The following TNRC6B variants were observed in gnomAD, a reference collection of about 807,000 sequenced individuals.
TNRC6B encodes the protein trinucleotide repeat-containing gene 6B protein.
Under a neutral mutation model 203.6 loss-of-function variants are expected in TNRC6B, and 52 were observed. The ratio of observed to expected loss-of-function variants is 0.26; its 90% CI spans 0.20 to 0.32. The LOEUF (loss-of-function observed/expected upper bound fraction) is 0.32. Among genes scored for constraint, TNRC6B ranks in the 10% least tolerant of loss-of-function variants. The probability of loss-of-function intolerance (pLI) is 1.00; values close to 1 mark genes in which losing one functional copy is unlikely to be tolerated. For synonymous variants in TNRC6B, 838 were observed against 845.7 expected (o/e 0.99, Z 0.16); for missense variants, 1,923 against 2,286.2 (o/e 0.84, Z 3.24).
chr22:40,111,477 G>A (rs972574323), intron 1 of TNRC6B, among the ~76,000 whole-genome samples: 15 of 152,198 alleles, frequency 9.9e-5, no homozygotes, highest in African/African-American at 3.4e-4. Context: ...GCTTAAGAGT[G>A]GTGAGAAGCT....
chr22:40,255,028 A>T (rs565980721), intron 3 of TNRC6B, among the ~76,000 whole-genome samples: 9 of 152,312 alleles, frequency 5.9e-5, no homozygotes, highest in African/African-American at 2.2e-4. Context: ...TTGGGCAAGG[A>T]ATTTGTCAAC....
At chr22:40,269,470 G>T (rs1237651371) in intron 5 of TNRC6B, among the ~76,000 whole-genome samples, 1 of 151,962 alleles carries the variant, frequency 6.6e-6, no homozygotes, top group East Asian at 1.9e-4. Flanking sequence ...CCCACAATTG[G>T]TCTAACCAGT....
At chr22:40,057,451 G>GCC (rs1285274568) in intron 1 of TNRC6B, among the ~76,000 whole-genome samples, 1 of 151,880 alleles carries the variant, frequency 6.6e-6, no homozygotes, top group African/African-American at 2.4e-5. Flanking sequence ...GTGCCACCAC[G>GCC]CCCGGCTAAT....
At chr22:40,228,202 C>T (rs1601902158) in intron 1 of TNRC6B, among the ~76,000 whole-genome samples, 1 of 151,840 alleles carries the variant, frequency 6.6e-6, no homozygotes, top group South Asian at 2.1e-4. Flanking sequence ...CCGAGGCAGG[C>T]GGATCGCCTG....
At chr22:40,086,259 T>C (rs1035955563) in intron 1 of TNRC6B, among the ~76,000 whole-genome samples, 1 of 152,228 alleles carries the variant, frequency 6.6e-6, no homozygotes, top group Non-Finnish European at 1.5e-5. Flanking sequence ...TTCTCTTTTT[T>C]ATCAGTTTTC....
intron 1 of TNRC6B, among the ~76,000 whole-genome samples, chr22:40,059,913 C>T (rs2146270430): frequency 6.6e-6 from 1 of 150,720 alleles, no homozygotes; most frequent in South Asian, 2.1e-4. Flanking sequence ...ACCTCCGCCT[C>T]CCAGGTTCAA....
chr22:40,315,719 CAG>C (rs2071248553), intron 20 of TNRC6B, among the ~76,000 whole-genome samples: 2 of 75,016 alleles, frequency 2.7e-5, no homozygotes, highest in African/African-American at 5.0e-5. Flanking sequence ...GTAAAAATGG[CAG>C]AGTGAGAACA....
intron 1 of TNRC6B, among the ~76,000 whole-genome samples, chr22:40,215,945 C>G (rs1476057029): frequency 2.6e-5 from 4 of 152,210 alleles, no homozygotes; most frequent in Non-Finnish European, 4.4e-5. Flanking sequence ...TATTCCTCCC[C>G]TTCAGATCCA....
intron 12 of TNRC6B, among the ~76,000 whole-genome samples, chr22:40,288,553 T>A (rs1644939559): frequency 6.6e-6 from 1 of 151,880 alleles, no homozygotes; most frequent in Admixed American, 6.6e-5. Flanking sequence ...AATTTTTTTT[T>A]TTTTTTTGAG....
chr22:40,150,507 A>G lies in TNRC6B; in HGVS notation c.46-5608A>G, dbSNP rs559724682. 3.9e-5 allele frequency among the ~76,000 whole-genome samples: 6 copies of G among 152,346 alleles called. No homozygotes were observed. The South Asian group carries it at 1.0e-3, about 26-fold the overall frequency. On this transcript the variant is annotated intron_variant, in intron 3 of 23. Coordinates refer to the TNRC6B transcript ENST00000301923. ...TTTTGGAAGCTGGGAAGCTTTTGGAATAACACTAAAAACAGCAAGATGGGT... is the reference window on the plus strand; with the variant it reads ...TTTTGGAAGCTGGGAAGCTTTTGGAGTAACACTAAAAACAGCAAGATGGGT...
chr22:40,126,580 ATTTT>A (rs955369459), intron 3 of TNRC6B, among the ~76,000 whole-genome samples: 2 of 88,780 alleles, frequency 2.3e-5, no homozygotes, highest in African/African-American at 9.8e-5. Flanking sequence ...ACGTTATTTA[ATTTT>A]TTTTTTTTTT....
At chr22:40,154,455 C>G (rs956293947) in intron 3 of TNRC6B, among the ~76,000 whole-genome samples, 3 of 151,466 alleles carry the variant, frequency 2.0e-5, no homozygotes. Flanking sequence ...CAGGGCGAGA[C>G]TCCATCTCAA....
chr22:40,245,114 G>A (rs954894682), intron 1 of TNRC6B, among the ~76,000 whole-genome samples: 9 of 143,410 alleles, frequency 6.3e-5, no homozygotes, highest in Middle Eastern at 3.6e-3. Flanking sequence ...TTTTTGAGGC[G>A]GAGTCTGGCT....
Position 40,332,813 on chromosome 22 carries a change from A to G in TNRC6B, c.*9572A>G, listed in dbSNP as rs1442472320. On this transcript the variant is annotated 3_prime_UTR_variant, in exon 23 of 23. Transcript: ENST00000454349. ...GGATTATCCTTTTTAAAATATGAAC[A>G]TGTAAATAGCAGGATAACTTTAAAA... 1 of 152,604 alleles carries G rather than the reference A, an allele frequency of 6.6e-6. No individual in the cohort carries two copies. The highest frequency in any genetic ancestry group is 1.5e-5 in the Non-Finnish European group (1 of 68,018). The allele number at this position is 152,604 out of a possible 1,614,324, so 9.5% of individuals were successfully genotyped here.
At chr22:40,093,026 T>C (rs1304168758) in intron 1 of TNRC6B, among the ~76,000 whole-genome samples, 1 of 152,174 alleles carries the variant, frequency 6.6e-6, no homozygotes, top group Non-Finnish European at 1.5e-5. Context: ...AATAATCAGA[T>C]ATATTTGAAA....
At chr22:40,260,134 G>T (rs1337208040) in intron 3 of TNRC6B, among the ~76,000 whole-genome samples, 1 of 151,592 alleles carries the variant, frequency 6.6e-6, no homozygotes, top group Non-Finnish European at 1.5e-5. Context: ...AAAATCAAAT[G>T]ATTTAAAGTA....
intron 3 of TNRC6B, among the ~76,000 whole-genome samples, chr22:40,153,672 T>C (rs2068782247): frequency 6.6e-6 from 1 of 151,922 alleles, no homozygotes; most frequent in Non-Finnish European, 1.5e-5. Flanking sequence ...ATATATTTAC[T>C]ACATAATAGC....
At chr22:40,092,910 G>A (rs533042559) in intron 1 of TNRC6B, among the ~76,000 whole-genome samples, 50 of 152,196 alleles carry the variant, frequency 3.3e-4, no homozygotes, top group Non-Finnish European at 6.0e-4. Flanking sequence ...GTGTAAGATG[G>A]CAACTGAGAC....
intron 1 of TNRC6B, among the ~76,000 whole-genome samples, chr22:40,236,043 A>C (rs4821935): frequency 0.7 from 107,108 of 152,102 alleles, 38,964 homozygotes; most frequent in East Asian, 0.99. Context: ...TGCCATTCCA[A>C]CAATGGTAAC....
Sources: gnomAD v4.1 joint callset for allele counts (sites outside exome capture counted in the v4.1 genomes callset) on GRCh38, gnomAD v4.1.1 for gene constraint, MANE v1.5 for transcripts, NCBI Gene and HGNC (gene_info 2026-07-23, HGNC 2026-07-21) for gene names.